Variants in ERI1 observed in about 807,000 individuals in gnomAD.
ERI1 encodes exoribonuclease 1, also known as 3'-5' exoribonuclease 1.
In ERI1, 39 loss-of-function variants were observed where a neutral mutation model predicts 39.7. That is an observed-to-expected ratio of 0.98 (90% CI 0.76 to 1.28). ERI1 has a LOEUF of 1.28. Ranked by LOEUF, ERI1 falls within the 50% of genes most tolerant of loss-of-function variation. The pLI is 0.00. For missense variants in ERI1, 581 were observed against 416.9 expected, an observed-to-expected ratio of 1.39 and a Z score of -3.43; for synonymous variants, 204 against 149.6, an observed-to-expected ratio of 1.36 and a Z score of -2.65.
chr8:9,075,106 C>T (rs906260331), intron 3 of ERI1, among the ~76,000 whole-genome samples: 1 of 152,228 alleles, frequency 6.6e-6, no homozygotes. Context: ...ACATGACATT[C>T]TTTCTAATGA....
chr8:9,011,474 C>T, intron 2 of ERI1, 68 bp from the exon 3 acceptor site: 3 of 1,031,390 alleles, frequency 2.9e-6, no homozygotes, highest in Non-Finnish European at 4.2e-6. Flanking sequence ...CCAGTGCCAG[C>T]AGGTGAGAGT....
chr8:9,028,918 C>T (rs1585233883), intron 6 of ERI1, among the ~76,000 whole-genome samples: 2 of 151,944 alleles, frequency 1.3e-5, no homozygotes, highest in East Asian at 3.9e-4. Context: ...GCTACCACAC[C>T]CAGCCAATAA....
chr8:9,022,187 A>G (rs988272979), intron 6 of ERI1, among the ~76,000 whole-genome samples: 4 of 152,172 alleles, frequency 2.6e-5, no homozygotes, highest in Non-Finnish European at 5.9e-5. Flanking sequence ...AATGTTTTGT[A>G]AATCTGACGG....
intron 3 of ERI1, among the ~76,000 whole-genome samples, chr8:9,074,972 C>T (rs569765840): frequency 2.4e-4 from 36 of 152,228 alleles, no homozygotes; most frequent in Middle Eastern, 3.4e-3. Flanking sequence ...AGAAGAGCGC[C>T]GGGCACCACG....
intron 3 of ERI1, among the ~76,000 whole-genome samples, chr8:9,040,134 C>T (rs1027525502): frequency 1.3e-5 from 2 of 152,112 alleles, no homozygotes; most frequent in African/African-American, 2.4e-5. Context: ...TATTTCTCAC[C>T]GATGCTTGCT....
At chr8:9,013,432 A>G (rs182435765) in intron 3 of ERI1, among the ~76,000 whole-genome samples, 37 of 151,108 alleles carry the variant, frequency 2.4e-4, no homozygotes, top group Admixed American at 1.6e-3. Context: ...CTCCAGCCCT[A>G]CTGGATTCCC....
chr8:9,004,485 C>CTTTTTTTT (rs71201904), intron 1 of ERI1, among the ~76,000 whole-genome samples: 30 of 78,304 alleles, frequency 3.8e-4, no homozygotes, highest in African/African-American at 1.5e-3. Context: ...TATAGTGATA[C>CTTTTTTTT]TTTTTTTTTT....
At chr8:9,051,656 T>C (rs1798359597) in intron 3 of ERI1, among the ~76,000 whole-genome samples, 1 of 123,602 alleles carries the variant, frequency 8.1e-6, no homozygotes, top group Non-Finnish European at 1.8e-5. Context: ...AGACCCTGTC[T>C]CAAAAAAAAA....
At chr8:9,003,705 C>T (rs946626601) in intron 1 of ERI1, among the ~76,000 whole-genome samples, 3 of 152,222 alleles carry the variant, frequency 2.0e-5, no homozygotes, top group Non-Finnish European at 2.9e-5. Context: ...ATCATTTTGA[C>T]ATCTCATCGG....
At position 9,071,899 on chromosome 8, in the gene ERI1, C is replaced by G. The variant is rs1415167675; in HGVS notation, n.300-44449C>G. ...TGAGCAACATAGTGAGACCTCGTCT[C>G]TACAAAAGACAAACAAAATTAGCAA... On this transcript the variant is annotated intron_variant and non_coding_transcript_variant, in intron 3 of 3. Transcript: ENST00000518663. Among the ~76,000 whole-genome samples, 24 of 152,150 alleles carry G rather than the reference C, an allele frequency of 1.6e-4. 1 individual carries two copies. The highest frequency in any genetic ancestry group is 1.6e-3 in the Admixed American group (24 of 15,274).
At chr8:9,058,069 T>C (rs533228712) in intron 3 of ERI1, among the ~76,000 whole-genome samples, 1 of 152,314 alleles carries the variant, frequency 6.6e-6, no homozygotes, top group African/African-American at 2.4e-5. Context: ...GAGATCTGTC[T>C]GCCGTTTGAA....
chr8:9,028,105 G>A (rs185382200), intron 6 of ERI1, among the ~76,000 whole-genome samples: 139 of 152,330 alleles, frequency 9.1e-4, no homozygotes, highest in Non-Finnish European at 4.4e-5. Context: ...GAGTTGGGAA[G>A]TATTTCTTCT....
chr8:9,093,247 G>C (rs1328076302), intron 3 of ERI1, among the ~76,000 whole-genome samples: 1 of 152,128 alleles, frequency 6.6e-6, no homozygotes, highest in African/African-American at 2.4e-5. Context: ...AATGAAAGCT[G>C]ATTAGCTTTA....
intron 4 of ERI1, among the ~76,000 whole-genome samples, chr8:9,017,085 G>A (rs1293864967): frequency 6.6e-6 from 1 of 151,962 alleles, no homozygotes; most frequent in African/African-American, 2.4e-5. Flanking sequence ...TGTTGCCCAG[G>A]CTGGAGTGCA....
intron 3 of ERI1, among the ~76,000 whole-genome samples, chr8:9,048,707 C>A (rs1169364797): frequency 6.6e-6 from 1 of 152,170 alleles, no homozygotes; most frequent in Non-Finnish European, 1.5e-5. Context: ...TGCAGTGGTG[C>A]AATCATAGTT....
At chr8:9,065,731 T>A (rs556330094) in intron 3 of ERI1, among the ~76,000 whole-genome samples, 3 of 83,168 alleles carry the variant, frequency 3.6e-5, no homozygotes, top group East Asian at 6.3e-4. Context: ...CTCCTGACAA[T>A]ACGTGCAAAA....
At chr8:9,058,518 G>T (rs1055112347) in intron 3 of ERI1, among the ~76,000 whole-genome samples, 1 of 152,108 alleles carries the variant, frequency 6.6e-6, no homozygotes, top group African/African-American at 2.4e-5. Context: ...TGTGGCATTT[G>T]GTCCATTCTT....
At chr8:9,045,721 G>C (rs982551362) in intron 3 of ERI1, among the ~76,000 whole-genome samples, 1 of 147,598 alleles carries the variant, frequency 6.8e-6, no homozygotes, top group Non-Finnish European at 1.5e-5. Flanking sequence ...CTGTCACCCA[G>C]GCTAGAGGGC....
At chr8:9,079,802 C>T (rs1799316193) in intron 3 of ERI1, among the ~76,000 whole-genome samples, 1 of 152,072 alleles carries the variant, frequency 6.6e-6, no homozygotes, top group African/African-American at 2.4e-5. Flanking sequence ...TCTAGAGGAG[C>T]TAAGACTATA....
Sources: gnomAD v4.1 joint callset for allele counts (sites outside exome capture counted in the v4.1 genomes callset) on GRCh38, gnomAD v4.1.1 for gene constraint, MANE v1.5 for transcripts, NCBI Gene and HGNC (gene_info 2026-07-23, HGNC 2026-07-21) for gene names.